The following ZC3H7B variants were observed in gnomAD, a reference collection of about 807,000 sequenced individuals.
The protein encoded by ZC3H7B is zinc finger CCCH domain-containing protein 7B.
A neutral mutation model predicts 116.0 loss-of-function variants in ZC3H7B; 35 were observed. The observed-to-expected ratio is 0.30, with a 90% CI of 0.23 to 0.40. The LOEUF (loss-of-function observed/expected upper bound fraction) is 0.40, where lower values mean the gene tolerates loss of function less well. Ranked by LOEUF, ZC3H7B falls within the 10% of genes least tolerant of loss-of-function variation. ZC3H7B has a pLI of 1.00. For missense variants in ZC3H7B, 1,011 were observed against 1,321.5 expected (o/e 0.77, Z 3.64); for synonymous variants, 502 against 545.6 (o/e 0.92, Z 1.11).
At chr22:41,356,146 C>A in intron 20 of ZC3H7B, 84 bp downstream of exon 20, 1 of 1,440,578 alleles carries the variant, frequency 6.9e-7, no homozygotes, top group Non-Finnish European at 9.3e-7. Context: ...GGCCCAAGAG[C>A]GTCCACTGCA....
chr22:41,319,123 T>TG (rs1298128646), intron 1 of ZC3H7B, among the ~76,000 whole-genome samples: 3 of 151,932 alleles, frequency 2.0e-5, no homozygotes, highest in African/African-American at 4.8e-5. Context: ...ACAAAAAGGC[T>TG]GGGCACAGTG....
intron 2 of ZC3H7B, among the ~76,000 whole-genome samples, chr22:41,321,142 T>C (rs952193095): frequency 4.6e-5 from 7 of 151,904 alleles, no homozygotes; most frequent in Non-Finnish European, 7.4e-5. Context: ...CCTGACCTCC[T>C]GGACTCAAGC....
At position 41,302,384 on chromosome 22, in the gene ZC3H7B, G is replaced by T. The variant is rs951010280; in HGVS notation, c.-7+612G>T. 1.3e-5 allele frequency among the ~76,000 whole-genome samples: 2 copies of T among 152,076 alleles called. No individual in the cohort carries two copies. The highest frequency in any genetic ancestry group is 2.4e-5 in the African/African-American group (1 of 41,436). On this transcript the variant is annotated intron_variant, in intron 1 of 22. Coordinates refer to ENST00000352645, the MANE Select transcript of ZC3H7B (RefSeq NM_017590.6). This position sits in a 1 kb window ranked among gnomAD's most constrained non-coding sequence, Gnocchi z 5.7. ...CCCGCGGGAAGGGGGCGGCAGGAAAGGGGGGCGCGGTCTGGGCCTGCTGGG... is the reference window on the plus strand; with the variant it reads ...CCCGCGGGAAGGGGGCGGCAGGAAATGGGGGCGCGGTCTGGGCCTGCTGGG...
intron 17 of ZC3H7B, among the ~76,000 whole-genome samples, chr22:41,354,933 G>A (rs754133902): frequency 1.3e-5 from 2 of 152,168 alleles, no homozygotes; most frequent in South Asian, 2.1e-4. Flanking sequence ...TGCCGGGGTG[G>A]CTTCCCATCT....
intron 6 of ZC3H7B, among the ~76,000 whole-genome samples, chr22:41,331,193 G>A (rs1467800783): frequency 6.8e-6 from 1 of 147,772 alleles, no homozygotes; most frequent in Non-Finnish European, 1.5e-5. Flanking sequence ...AGGTTGCGGT[G>A]AGCCAAGATC....
rs763181899 is a variant in ZC3H7B, at chr22:41,346,121, C to T, written c.1578C>T (p.Phe526=). ...RKGTLNRDLL[F]DPLGGVKRGS... The stretch of plus-strand genomic sequence containing the variant: ...GCACCCTCAACCGCGACCTGCTCTT[C>T]GACCCGCTGGGGGGTGTTAAGCGCG... Residue 526 remains phenylalanine (F), a synonymous_variant, in exon 14 of 23, where the codon TTC becomes TTT. Transcript: ENST00000352645. This position sits in a 1 kb window ranked among gnomAD's most constrained non-coding sequence, Gnocchi z 5.3. 5.0e-6 allele frequency: 8 copies of T among 1,613,652 alleles called. No individual in the cohort carries two copies. The highest frequency in any genetic ancestry group is 3.3e-5 in the Admixed American group (2 of 60,030).
chr22:41,332,436 C>T, intron 7 of ZC3H7B: 1 of 603,254 alleles, frequency 1.7e-6, no homozygotes, highest in Non-Finnish European at 2.9e-6. Context: ...CCGCCGGGGG[C>T]AGCCTCACTC....
intron 14 of ZC3H7B, among the ~76,000 whole-genome samples, chr22:41,347,573 G>A (rs1262091725): frequency 6.6e-6 from 1 of 152,162 alleles, no homozygotes; most frequent in African/African-American, 2.4e-5. Context: ...GCAGTGGCAC[G>A]TCTGTGTCCG....
chr22:41,318,859 C>T (rs568476235), intron 1 of ZC3H7B, among the ~76,000 whole-genome samples: 188 of 152,268 alleles, frequency 1.2e-3, no homozygotes, highest in Non-Finnish European at 6.0e-4. Flanking sequence ...TCAGATACAC[C>T]AACAAGGCAT....
intron 14 of ZC3H7B, 42 bp from the exon 15 acceptor site, chr22:41,348,025 A>G: frequency 6.4e-7 from 1 of 1,570,154 alleles, no homozygotes; most frequent in Non-Finnish European, 8.8e-7. Context: ...CCCCCTTCCC[A>G]GGTGGCCATG....
rs1463749088 is a variant in ZC3H7B, at chr22:41,319,604, C to T, written c.-6-1051C>T. On this transcript the variant is annotated intron_variant, in intron 1 of 22. Coordinates refer to ENST00000352645, the MANE Select transcript of ZC3H7B (RefSeq NM_017590.6). ...AAAAAAAAAAAGGTCAAAGTGGCCT[C>T]TCAGACTGCTCAGAATTATAGCACC... Among the ~76,000 whole-genome samples, 4 of 149,714 alleles carry T rather than the reference C, an allele frequency of 2.7e-5. No homozygotes were observed. In the South Asian group the frequency reaches 8.5e-4, roughly 32 times the overall value.
intron 2 of ZC3H7B, among the ~76,000 whole-genome samples, chr22:41,323,716 A>G (rs1346708892): frequency 6.6e-6 from 1 of 152,170 alleles, no homozygotes; most frequent in Non-Finnish European, 1.5e-5. Context: ...TGTGCTTAGC[A>G]CGTCCTGAGA....
At chr22:41,323,424 T>C (rs2036281541) in intron 2 of ZC3H7B, among the ~76,000 whole-genome samples, 1 of 152,362 alleles carries the variant, frequency 6.6e-6, no homozygotes, top group African/African-American at 2.4e-5. Flanking sequence ...CACTGATGTC[T>C]GTAGAGCTGG....
At chr22:41,354,570 G>A (rs759843367) in intron 17 of ZC3H7B, among the ~76,000 whole-genome samples, 2 of 152,266 alleles carry the variant, frequency 1.3e-5, no homozygotes, top group African/African-American at 4.8e-5. Context: ...AGAGCAAGGG[G>A]TGACCCTGCA....
At position 41,360,017 on chromosome 22, in the gene ZC3H7B, A is replaced by C. The variant is rs1176655264; in HGVS notation, c.*2588A>C. Reference sequence around the variant, plus strand: ...TAAGAATACCACACTTTAATATTAAATATTCATAAGGTCTAGTATCTTGAT... The same window carrying C: ...TAAGAATACCACACTTTAATATTAACTATTCATAAGGTCTAGTATCTTGAT... On this transcript the variant is annotated 3_prime_UTR_variant, in exon 23 of 23. Transcript: ENST00000352645. 1 of 152,634 alleles carries C rather than the reference A, an allele frequency of 6.6e-6. No homozygotes were observed. Among genetic ancestry groups the C allele is most frequent in the East Asian group, 1.9e-4 (1 of 5,204 alleles). 9.5% of individuals were successfully genotyped at this position (152,634 alleles called of 1,614,324 possible).
In ZC3H7B at chr22:41,356,332, C is replaced by T; in HGVS notation, c.2384-11C>T. 6.2e-7 allele frequency: 1 copy of T among 1,613,978 alleles called. No homozygotes were observed. The highest frequency in any genetic ancestry group is 8.5e-7 in the Non-Finnish European group (1 of 1,179,964). On this transcript the variant is annotated splice_polypyrimidine_tract_variant and intron_variant, in intron 20 of 22. Transcript: ENST00000352645. ...CCCTCAGCAGGTGCCCTGTCCCTGT[C>T]CCCTGCCCAGTCCTGGACATGCAGC...
intron 6 of ZC3H7B, among the ~76,000 whole-genome samples, chr22:41,330,649 G>A (rs904187203): frequency 6.6e-6 from 1 of 152,110 alleles, no homozygotes; most frequent in Non-Finnish European, 1.5e-5. Context: ...ATTAAAAAGA[G>A]AGAATGGATG....
intron 1 of ZC3H7B, among the ~76,000 whole-genome samples, chr22:41,309,013 T>A (rs1217390810): frequency 1.4e-5 from 2 of 141,378 alleles, no homozygotes; most frequent in East Asian, 3.9e-4. Context: ...GTCTGCTTTT[T>A]TTTTTTTTTT....
chr22:41,342,722 G>A (rs1397613926), intron 12 of ZC3H7B, 94 bp downstream of exon 12: 5 of 1,273,218 alleles, frequency 3.9e-6, no homozygotes, highest in African/African-American at 1.5e-5. Flanking sequence ...CAGTGTCTCA[G>A]TTGGAGATAA....
Sources: allele counts gnomAD v4.1 joint callset (sites outside exome capture counted in the v4.1 genomes callset), GRCh38; gene constraint gnomAD v4.1.1; non-coding constraint Gnocchi (gnomAD v3.1); transcripts MANE v1.5; gene names NCBI Gene and HGNC (gene_info 2026-07-23, HGNC 2026-07-21).